Variants in TOX3 observed in about 807,000 individuals in gnomAD.
The protein encoded by TOX3 is CAG trinucleotide repeat-containing gene F9 protein.
In TOX3, 22 loss-of-function variants were observed where a neutral mutation model predicts 64.3. That is an observed-to-expected ratio of 0.34 (90% confidence interval 0.24 to 0.49). TOX3 has a LOEUF of 0.49. Ranked by LOEUF, TOX3 falls within the 20% of genes least tolerant of loss-of-function variation. TOX3 has a pLI of 0.99. For synonymous variants in TOX3, 291 were observed against 273.6 expected, an observed-to-expected ratio of 1.06 and a Z score of -0.63; for missense variants, 661 against 714.4, an observed-to-expected ratio of 0.93 and a Z score of 0.85.
At chr16:52,541,381 A>G (rs1428333560) in intron 1 of TOX3, among the ~76,000 whole-genome samples, 1 of 152,148 alleles carries the variant, frequency 6.6e-6, no homozygotes, top group Non-Finnish European at 1.5e-5. Context: ...TGAAGCCTTC[A>G]GGTCCTGAGA....
At chr16:52,450,791 TGGAAGGAAGGAA>T (rs555228421) in intron 3 of TOX3, among the ~76,000 whole-genome samples, 3,045 of 116,470 alleles carry the variant, frequency 0.026, 58 homozygotes, top group African/African-American at 0.061. Flanking sequence ...TCAGTGGATG[TGGAAGGAAGGAA>T]GGAAGGAAGG....
intron 6 of TOX3, 91 bp downstream of exon 6, chr16:52,444,185 T>C: frequency 2.1e-6 from 2 of 974,464 alleles, no homozygotes; most frequent in Non-Finnish European, 2.9e-6. Context: ...CCATCAACTT[T>C]TAGGGGAGCT....
At position 52,446,174 on chromosome 16, in the gene TOX3, C is replaced by T; in HGVS notation, c.726G>A (p.Lys242=). 3 of 1,613,920 alleles carry T rather than the reference C, an allele frequency of 1.9e-6. No individual in the cohort carries two copies. Among genetic ancestry groups the T allele is most frequent in the South Asian group, 1.1e-5 (1 of 91,082 alleles). ...CTTTCTTTTTCTTTTTCTTTGGAGT[C>T]TTGGGCTTCTTGCCAGAGTCTGGAG... ...RAAPDSGKKP[K]TPKKKKKKDP... is the part of the protein sequence containing the mutation. Residue 242 remains lysine (K), a synonymous_variant, in exon 5 of 7, where the codon AAG becomes AAA. Transcript: ENST00000219746.
chr16:52,450,606 A>C (rs181914466), intron 3 of TOX3, 60 bp from the exon 4 acceptor site: 2 of 1,602,460 alleles, frequency 1.2e-6, no homozygotes, highest in African/African-American at 1.3e-5. Flanking sequence ...CAGTGAACTT[A>C]TCAGGTTAGC....
chr16:52,475,414 A>T (rs984379159), intron 1 of TOX3: 7 of 152,186 alleles, frequency 4.6e-5, no homozygotes, highest in African/African-American at 1.7e-4. Context: ...CACTCCCCAA[A>T]CTACATCTAT....
intron 1 of TOX3, among the ~76,000 whole-genome samples, chr16:52,497,806 A>G (rs1362469473): frequency 6.6e-6 from 1 of 152,152 alleles, no homozygotes; most frequent in Non-Finnish European, 1.5e-5. Flanking sequence ...TTAGGGCCAT[A>G]TCTTTAATAT....
intron 1 of TOX3, among the ~76,000 whole-genome samples, chr16:52,482,687 T>C (rs1961400508): frequency 6.6e-6 from 1 of 152,186 alleles, no homozygotes; most frequent in Admixed American, 6.5e-5. Context: ...GACACACTAC[T>C]TACCTTTAAA....
At chr16:52,442,184 A>G (rs1371913230) in intron 6 of TOX3, among the ~76,000 whole-genome samples, 5 of 152,186 alleles carry the variant, frequency 3.3e-5, no homozygotes, top group African/African-American at 1.2e-4. Flanking sequence ...TTATGGCTTA[A>G]TAGTAAGCTT....
At chr16:52,457,053 A>G (rs941314363) in intron 3 of TOX3, among the ~76,000 whole-genome samples, 4 of 152,238 alleles carry the variant, frequency 2.6e-5, no homozygotes, top group African/African-American at 4.8e-5. Context: ...GCAGGATATG[A>G]GAAGAGAATG....
chr16:52,487,795 C>T (rs1961571451), intron 1 of TOX3, among the ~76,000 whole-genome samples: 1 of 152,106 alleles, frequency 6.6e-6, no homozygotes, highest in African/African-American at 2.4e-5. Flanking sequence ...CATTGTTCAA[C>T]ATAATTTGGT....
chr16:52,527,297 C>T (rs1962747040), intron 1 of TOX3, among the ~76,000 whole-genome samples: 1 of 152,214 alleles, frequency 6.6e-6, no homozygotes, highest in African/African-American at 2.4e-5. Context: ...TCAAAACCCT[C>T]GACATATTGC....
At chr16:52,510,778 A>AAAT (rs574634087) in intron 1 of TOX3, among the ~76,000 whole-genome samples, 1 of 115,142 alleles carries the variant, frequency 8.7e-6, no homozygotes, top group Non-Finnish European at 1.7e-5. Context: ...AAAAAAAAAA[A>AAAT]AAGAAGAAGA....
At chr16:52,456,074 A>AG (rs1466853858) in intron 3 of TOX3, among the ~76,000 whole-genome samples, 1 of 152,242 alleles carries the variant, frequency 6.6e-6, no homozygotes, top group Non-Finnish European at 1.5e-5. Flanking sequence ...GGAAGAGCAT[A>AG]GCTGGCTATG....
rs141692421 is a variant in TOX3 at position 52,524,777 on chromosome 16, G to A, written c.87+21860C>T. ...GCCTAAACTTCAGCACGACAGGCAA[G>A]ACCTTTCAAAATCTGGCCTCGACCA... On this transcript the variant is annotated intron_variant, in intron 1 of 6. Transcript: ENST00000219746. Among the ~76,000 whole-genome samples, 731 of 152,216 alleles carry A rather than the reference G, an allele frequency of 4.8e-3. 8 individuals carry two copies. The highest frequency in any genetic ancestry group is 0.017 in the African/African-American group (691 of 41,528).
chr16:52,517,739 C>T (rs575602538), intron 1 of TOX3, among the ~76,000 whole-genome samples: 60 of 151,808 alleles, frequency 4.0e-4, no homozygotes, highest in Non-Finnish European at 6.8e-4. Context: ...CAAGGTCACT[C>T]TGAAAGTATG....
At chr16:52,531,903 T>C (rs1327706232) in intron 1 of TOX3, among the ~76,000 whole-genome samples, 3 of 151,956 alleles carry the variant, frequency 2.0e-5, no homozygotes, top group Admixed American at 6.6e-5. Context: ...AAAGAAGACA[T>C]GAAGACTCCC....
Position 52,478,956 on chromosome 16 carries a change from T to C in TOX3, c.88-10382A>G, listed in dbSNP as rs911703439. On this transcript the variant is annotated intron_variant, in intron 1 of 6. Transcript: ENST00000219746. The stretch of plus-strand genomic sequence containing the variant: ...AAATGAATGGGTCATTGAAACATTC[T>C]GTATAACATTTATTAAGTGCCTACA... 8.5e-5 allele frequency among the ~76,000 whole-genome samples: 13 copies of C among 152,312 alleles called. No individual in the cohort carries two copies. In the South Asian group the frequency reaches 1.7e-3, roughly 19 times the overall value.
At position 52,437,154 on chromosome 16, in the gene TOX3, T is replaced by C. The variant is rs969957241; in HGVS notation, c.*2071A>G. The C allele has an allele frequency of 6.6e-6, 1 of 152,254 alleles. No homozygotes were observed. Among genetic ancestry groups the C allele is most frequent in the African/African-American group, 2.4e-5 (1 of 41,470 alleles). 9.4% of individuals were successfully genotyped at this position (152,254 alleles called of 1,614,324 possible). A position where few individuals can be genotyped will look rare whatever the true frequency, so the allele number is the denominator to read the frequency against. On this transcript the variant is annotated 3_prime_UTR_variant, in exon 7 of 7. Coordinates refer to ENST00000219746, the MANE Select transcript of TOX3 (RefSeq NM_001080430.4). ...GATACCTGTCAACTAATACATCTTA[T>C]GAAAAGCTTCAATTTAGACATAAAT... is the stretch of plus-strand genomic sequence containing the variant.
At chr16:52,524,626 C>G (rs1226503805) in intron 1 of TOX3, among the ~76,000 whole-genome samples, 2 of 152,156 alleles carry the variant, frequency 1.3e-5, no homozygotes, top group African/African-American at 4.8e-5. Flanking sequence ...GTTACAAGAA[C>G]ACGGCCACTC....
Sources: allele counts gnomAD v4.1 joint callset (sites outside exome capture counted in the v4.1 genomes callset), GRCh38; gene constraint gnomAD v4.1.1; transcripts MANE v1.5; gene names NCBI Gene and HGNC (gene_info 2026-07-23, HGNC 2026-07-21).